NALCN: variants seen among roughly 807,000 people sequenced by gnomAD.
NALCN encodes sodium leak channel, non-selective.
NALCN carries 111 observed loss-of-function variants against 225.3 expected under a neutral mutation model. That is an observed-to-expected ratio of 0.49 (90% CI 0.42 to 0.58). The LOEUF is 0.58. NALCN is among the 20% of genes least tolerant of loss of function. The pLI, the probability that NALCN is intolerant of heterozygous loss-of-function variation, is 0.00. For synonymous variants in NALCN, 764 were observed against 769.0 expected (o/e 0.99, Z 0.11); for missense variants, 1,378 against 2,202.4 (o/e 0.63, Z 7.49).
chr13:101,237,407 TG>T (rs2041601045), intron 12 of NALCN, among the ~76,000 whole-genome samples: 1 of 152,048 alleles, frequency 6.6e-6, no homozygotes, highest in Non-Finnish European at 1.5e-5. Flanking sequence ...CTTTAAAGTT[TG>T]TGCCAACATC....
chr13:101,208,957 T>C (rs1391745630), intron 13 of NALCN, among the ~76,000 whole-genome samples: 2 of 152,224 alleles, frequency 1.3e-5, no homozygotes, highest in Non-Finnish European at 2.9e-5. Context: ...TATTTCTTTA[T>C]AGCAATGCGT....
intron 13 of NALCN, among the ~76,000 whole-genome samples, chr13:101,199,652 G>A (rs1352388534): frequency 2.7e-5 from 3 of 111,808 alleles, no homozygotes; most frequent in Non-Finnish European, 5.3e-5. Flanking sequence ...CCTGTTGTGG[G>A]GTGGGGGGAG....
At chr13:101,324,438 T>C (rs967105370) in intron 7 of NALCN, among the ~76,000 whole-genome samples, 3 of 152,210 alleles carry the variant, frequency 2.0e-5, no homozygotes, top group African/African-American at 4.8e-5. Flanking sequence ...CCAACAACTT[T>C]AGTTTTTAAC....
At chr13:101,273,904 A>G (rs78859781) in intron 10 of NALCN, among the ~76,000 whole-genome samples, 107 of 151,674 alleles carry the variant, frequency 7.1e-4, no homozygotes, top group African/African-American at 2.5e-3. Context: ...AAAAAAAAAA[A>G]AAAGAAAATG....
intron 10 of NALCN, among the ~76,000 whole-genome samples, chr13:101,276,322 C>T (rs1402455113): frequency 1.3e-5 from 2 of 152,060 alleles, no homozygotes; most frequent in East Asian, 1.9e-4. Context: ...GTATAAATTT[C>T]ATTAATAACT....
rs777118951 is a variant in NALCN, at chr13:101,292,336, G to C, written c.830C>G (p.Ala277Gly). ...GTSIFTVYEA[A>G]SQEGWVFLMY... ...GAGGAACACCCAGCCTTCCTGTGAG[G>C]CGGCCTCATAGACGGTGAATATACT... Residue 277 changes from alanine to glycine, a missense_variant, in exon 8 of 44, where the codon GCC (alanine) becomes GGC (glycine). Ala to Gly is a moderately conservative substitution (Grantham distance 60, BLOSUM62 0). Around this residue, in one of 19 missense-constraint regions of NALCN, gnomAD observed 67 missense variants for 82.1 expected, o/e 0.82. Coordinates refer to ENST00000251127, the MANE Select transcript of NALCN (RefSeq NM_052867.4). The surrounding 1 kb of genome is among the most constrained non-coding windows in gnomAD (Gnocchi z 4.3). 1 of 1,614,118 alleles carries C rather than the reference G, an allele frequency of 6.2e-7. No individual in the cohort carries two copies. Among genetic ancestry groups the C allele is most frequent in the East Asian group, 2.2e-5 (1 of 44,876 alleles).
At chr13:101,402,757 T>C (rs1045776900) in intron 1 of NALCN, among the ~76,000 whole-genome samples, 2 of 152,140 alleles carry the variant, frequency 1.3e-5, no homozygotes, top group Non-Finnish European at 2.9e-5. Context: ...AGGAAGACGG[T>C]GCCAACACCA....
At chr13:101,155,545 A>G (rs751088953) in intron 15 of NALCN, among the ~76,000 whole-genome samples, 1 of 152,178 alleles carries the variant, frequency 6.6e-6, no homozygotes, top group Non-Finnish European at 1.5e-5. Context: ...CCTTCTCGTC[A>G]TATCAGTGTG....
intron 13 of NALCN, among the ~76,000 whole-genome samples, chr13:101,208,570 G>A (rs555327381): frequency 6.6e-6 from 1 of 152,314 alleles, no homozygotes; most frequent in East Asian, 1.9e-4. Flanking sequence ...ATGGTGATAT[G>A]GTTTGCATGT....
intron 2 of NALCN, among the ~76,000 whole-genome samples, chr13:101,395,869 T>C (rs1004387143): frequency 5.9e-5 from 9 of 152,210 alleles, no homozygotes; most frequent in Non-Finnish European, 1.2e-4. Context: ...GGGCCTATCA[T>C]AGTAGTTAAG....
At chr13:101,139,972 T>G (rs1019247655) in intron 17 of NALCN, among the ~76,000 whole-genome samples, 17 of 152,176 alleles carry the variant, frequency 1.1e-4, no homozygotes, top group Non-Finnish European at 2.4e-4. Flanking sequence ...TGACAAATCC[T>G]AAGGTCTTAT....
intron 42 of NALCN, 32 bp downstream of exon 42, chr13:101,059,786 G>A (rs1479828788): frequency 6.2e-7 from 1 of 1,609,676 alleles, no homozygotes; most frequent in Non-Finnish European, 8.5e-7. Context: ...CCCACAGAGT[G>A]TCCTGGGACA....
intron 34 of NALCN, among the ~76,000 whole-genome samples, chr13:101,078,394 G>A (rs1168912025): frequency 6.6e-6 from 1 of 152,188 alleles, no homozygotes; most frequent in Admixed American, 6.5e-5. Context: ...TCTGTACCCT[G>A]CAAAGCCACA....
chr13:101,416,155 C>CGCAGCCCCTCTA (rs1188400725), intron 1 of NALCN, among the ~76,000 whole-genome samples, 158 bp downstream of exon 1: 2 of 151,774 alleles, frequency 1.3e-5, no homozygotes, highest in Non-Finnish European at 2.9e-5. Context: ...GGCCCCCGCC[C>CGCAGCCCCTCTA]GCAGCCCCTC....
At chr13:101,111,707 T>C (rs561507586) in intron 18 of NALCN, among the ~76,000 whole-genome samples, 109 of 152,142 alleles carry the variant, frequency 7.2e-4, no homozygotes, top group Non-Finnish European at 1.3e-3. Flanking sequence ...GATCTGATGG[T>C]TTTAAAAAGG....
chr13:101,382,473 T>A (rs2046878816), intron 3 of NALCN, among the ~76,000 whole-genome samples: 1 of 152,112 alleles, frequency 6.6e-6, no homozygotes, highest in Admixed American at 6.6e-5. Context: ...CTTCTCCAGT[T>A]GGCAAAAATA....
chr13:101,380,578 C>A (rs943951879), intron 3 of NALCN, among the ~76,000 whole-genome samples: 2 of 152,034 alleles, frequency 1.3e-5, no homozygotes, highest in Non-Finnish European at 2.9e-5. Flanking sequence ...TCTGATTAAA[C>A]CTGCTAGGGA....
At chr13:101,400,097 G>A (rs1250299382) in intron 1 of NALCN, among the ~76,000 whole-genome samples, 1 of 151,588 alleles carries the variant, frequency 6.6e-6, no homozygotes, top group Non-Finnish European at 1.5e-5. Context: ...CATATACTAT[G>A]TTTGGGACAC....
At chr13:101,092,435 C>T (rs547223016) in intron 28 of NALCN, among the ~76,000 whole-genome samples, 8 of 152,328 alleles carry the variant, frequency 5.3e-5, no homozygotes, top group East Asian at 1.9e-4. Context: ...AGCACCCCAA[C>T]GCTTTTTGCC....
Sources: gnomAD v4.1 joint callset for allele counts (sites outside exome capture counted in the v4.1 genomes callset) on GRCh38, gnomAD v4.1.1 for gene constraint, gnomAD v4.1.1 regional missense constraint, Gnocchi (gnomAD v3.1) non-coding constraint, MANE v1.5 for transcripts, NCBI Gene and HGNC (gene_info 2026-07-23, HGNC 2026-07-21) for gene names.